Variants in ASCC3 observed in about 807,000 individuals in gnomAD.
ASCC3 encodes the protein activating signal cointegrator 1 complex subunit 3.
In ASCC3, 158 loss-of-function variants were observed where a neutral mutation model predicts 256.3. The observed-to-expected ratio is 0.62, with a 90% CI of 0.54 to 0.70. The LOEUF (loss-of-function observed/expected upper bound fraction) is 0.70, where lower values mean the gene tolerates loss of function less well. ASCC3 is among the 30% of genes least tolerant of loss of function. The pLI is 0.00. For synonymous variants in ASCC3, 948 were observed against 883.4 expected (o/e 1.07, Z -1.30); for missense variants, 2,259 against 2,626.0 (o/e 0.86, Z 3.05).
rs1188411121 is a variant in ASCC3, at chr6:100,642,692, G to C, written c.3790C>G (p.Pro1264Ala). ...VFTIPIFEPL[P>A]SQYYIRAVSD... ...ACTGCTCGGATGTAGTATTGGGAAG[G>C]CAAAGGCTCAAAAATAGGGATTGTA... Residue 1264 changes from proline to alanine, a missense_variant, in exon 24 of 42, where the codon CCT (proline) becomes GCT (alanine). Transcript: ENST00000369162. 6.2e-7 allele frequency: 1 copy of C among 1,613,762 alleles called. No homozygotes were observed. The highest frequency in any genetic ancestry group is 8.5e-7 in the Non-Finnish European group (1 of 1,179,858).
At chr6:100,697,005 T>C (rs1011739227) in intron 13 of ASCC3, among the ~76,000 whole-genome samples, 2 of 152,076 alleles carry the variant, frequency 1.3e-5, no homozygotes, top group Non-Finnish European at 2.9e-5. Context: ...ACCAGAAATA[T>C]TTGATTTAAA....
intron 30 of ASCC3, among the ~76,000 whole-genome samples, chr6:100,609,741 T>A (rs1422047201): frequency 6.6e-6 from 1 of 151,964 alleles, no homozygotes; most frequent in East Asian, 1.9e-4. Context: ...AGAAACCTCG[T>A]CTCTACTAAA....
At chr6:100,639,524 G>C (rs1016651463) in intron 24 of ASCC3, among the ~76,000 whole-genome samples, 18 of 152,134 alleles carry the variant, frequency 1.2e-4, no homozygotes, top group Non-Finnish European at 2.1e-4. Context: ...AAACCAGAAG[G>C]CCACTTTACT....
intron 30 of ASCC3, among the ~76,000 whole-genome samples, chr6:100,621,634 T>C (rs549099873): frequency 1.1e-4 from 16 of 152,318 alleles, no homozygotes; most frequent in African/African-American, 3.6e-4. Context: ...TTTTACACTG[T>C]TGGTGAGAAT....
chr6:100,758,418 G>C (rs1468901633), intron 10 of ASCC3, among the ~76,000 whole-genome samples: 2 of 151,842 alleles, frequency 1.3e-5, no homozygotes, highest in African/African-American at 4.8e-5. Flanking sequence ...CCCTCCCTGT[G>C]TCCATGTGTT....
chr6:100,513,051 C>G, intron 39 of ASCC3, 133 bp from the exon 40 acceptor site: 1 of 809,960 alleles, frequency 1.2e-6, no homozygotes, highest in Non-Finnish European at 2.0e-6. Flanking sequence ...AATGCAGTTG[C>G]AGGAAATAAT....
At chr6:100,544,908 A>G (rs1775634890) in intron 36 of ASCC3, among the ~76,000 whole-genome samples, 1 of 152,220 alleles carries the variant, frequency 6.6e-6, no homozygotes, top group South Asian at 2.1e-4. Context: ...AAAATTCTAA[A>G]CAAAATTTTA....
At chr6:100,580,270 T>A (rs570954019) in intron 36 of ASCC3, among the ~76,000 whole-genome samples, 1 of 152,062 alleles carries the variant, frequency 6.6e-6, no homozygotes, top group East Asian at 1.9e-4. Flanking sequence ...CATTTTTTTT[T>A]AAAGAGAGAA....
At chr6:100,846,699 T>C (rs914041523) in intron 4 of ASCC3, among the ~76,000 whole-genome samples, 1 of 152,200 alleles carries the variant, frequency 6.6e-6, no homozygotes, top group Non-Finnish European at 1.5e-5. Flanking sequence ...CCTACCTTTC[T>C]GGTCCACTTG....
chr6:100,756,654 C>G (rs968910097), intron 10 of ASCC3, among the ~76,000 whole-genome samples: 6 of 152,054 alleles, frequency 3.9e-5, no homozygotes, highest in African/African-American at 1.4e-4. Flanking sequence ...ATATCTGATT[C>G]TAAGGCTGGG....
intron 36 of ASCC3, among the ~76,000 whole-genome samples, chr6:100,580,889 A>G (rs1429130686): frequency 3.9e-5 from 6 of 152,044 alleles, no homozygotes; most frequent in Admixed American, 3.9e-4. Flanking sequence ...AATTGCATCC[A>G]TGTCCCTACA....
intron 4 of ASCC3, among the ~76,000 whole-genome samples, chr6:100,818,573 A>AC (rs1469757598): frequency 6.7e-6 from 1 of 149,758 alleles, no homozygotes; most frequent in Admixed American, 6.7e-5. Flanking sequence ...CGTCTCAAAA[A>AC]AAAAAAAAAA....
chr6:100,769,045 T>C (rs1177756452), intron 8 of ASCC3, among the ~76,000 whole-genome samples: 1 of 152,022 alleles, frequency 6.6e-6, no homozygotes, highest in African/African-American at 2.4e-5. Flanking sequence ...GAAATAAAAA[T>C]TTATTATGTC....
chr6:100,757,042 T>C (rs1488564774), intron 10 of ASCC3, among the ~76,000 whole-genome samples: 1 of 152,094 alleles, frequency 6.6e-6, no homozygotes, highest in Non-Finnish European at 1.5e-5. Context: ...TGCAGAAACA[T>C]ACTTCTAATA....
In ASCC3 at chr6:100,576,910, GA is replaced by G. The variant is rs930659678; in HGVS notation, c.5550+12723del. On this transcript the variant is annotated intron_variant, in intron 36 of 41. Coordinates refer to ENST00000369162, the MANE Select transcript of ASCC3 (RefSeq NM_006828.4). ...CAGTCTCAAAAGAGATGTCACAGGA[GA>G]AAAAAAAAATGAGTGGAAGTGTATT... Among the ~76,000 whole-genome samples the G allele has an allele frequency of 1.5e-4, 22 of 144,374 alleles. 1 individual carries two copies. Among genetic ancestry groups the G allele is most frequent in the Admixed American group, 2.8e-4 (4 of 14,454 alleles). 94.7% of individuals were successfully genotyped at this position (144,374 alleles called of 152,430 possible). A position where few individuals can be genotyped will look rare whatever the true frequency, so the allele number is the denominator to read the frequency against.
In ASCC3 at chr6:100,865,043, A is replaced by G. The variant is rs921388384; in HGVS notation, c.91-829T>C. 1.3e-5 allele frequency among the ~76,000 whole-genome samples: 2 copies of G among 152,236 alleles called. 1 individual carries two copies. The stretch of plus-strand genomic sequence containing the variant: ...CTATTGGTTAGAATGATGAAAATAC[A>G]TAATTCACCATTACTTCCCTGCCTC... On this transcript the variant is annotated intron_variant, in intron 2 of 41. Transcript: ENST00000369162.
intron 1 of ASCC3, among the ~76,000 whole-genome samples, chr6:100,872,726 A>C (rs1054515958): frequency 5.9e-5 from 9 of 152,144 alleles, no homozygotes; most frequent in African/African-American, 2.2e-4. Context: ...CTGTGTAGAC[A>C]ACCCCCAGTA....
At chr6:100,607,828 C>G (rs1416306110) in intron 30 of ASCC3, among the ~76,000 whole-genome samples, 1 of 151,106 alleles carries the variant, frequency 6.6e-6, no homozygotes, top group African/African-American at 2.4e-5. Context: ...AAAAATCAAA[C>G]TGGTGTATTT....
At chr6:100,544,534 C>A (rs1357680253) in intron 36 of ASCC3, among the ~76,000 whole-genome samples, 1 of 151,816 alleles carries the variant, frequency 6.6e-6, no homozygotes, top group Non-Finnish European at 1.5e-5. Flanking sequence ...ATAATATGAA[C>A]AGCTTTATGC....
Sources: gnomAD v4.1 joint callset for allele counts (sites outside exome capture counted in the v4.1 genomes callset) on GRCh38, gnomAD v4.1.1 for gene constraint, MANE v1.5 for transcripts, NCBI Gene and HGNC (gene_info 2026-07-23, HGNC 2026-07-21) for gene names.